Variants in PTK2 observed in about 807,000 individuals in gnomAD.
PTK2 encodes protein tyrosine kinase 2.
In PTK2, 45 loss-of-function variants were observed where a neutral mutation model predicts 150.1. The observed-to-expected ratio is 0.30, with a 90% CI of 0.24 to 0.38. The LOEUF is 0.38. Ranked by LOEUF, PTK2 falls within the 10% of genes least tolerant of loss-of-function variation. PTK2 has a pLI of 1.00. For missense variants in PTK2, 919 were observed against 1,307.3 expected (o/e 0.70, Z 4.58); for synonymous variants, 432 against 449.2 (o/e 0.96, Z 0.48).
chr8:140,716,142 G>A (rs1423872286), intron 23 of PTK2, among the ~76,000 whole-genome samples: 1 of 152,176 alleles, frequency 6.6e-6, no homozygotes, highest in Non-Finnish European at 1.5e-5. Flanking sequence ...TAAGGAATGT[G>A]AGATTTGGAG....
chr8:140,865,421 A>G (rs1474056660), intron 4 of PTK2, among the ~76,000 whole-genome samples: 1 of 152,002 alleles, frequency 6.6e-6, no homozygotes, highest in East Asian at 1.9e-4. Context: ...CTCCTTCACC[A>G]CCTATTGATT....
At chr8:140,803,973 C>T (rs753277350) in intron 10 of PTK2, among the ~76,000 whole-genome samples, 5 of 152,148 alleles carry the variant, frequency 3.3e-5, no homozygotes, top group African/African-American at 4.8e-5. Context: ...TGGCCTGACT[C>T]GTTTGCCAGC....
At chr8:140,796,345 G>A (rs1166249514) in intron 12 of PTK2, among the ~76,000 whole-genome samples, 1 of 152,086 alleles carries the variant, frequency 6.6e-6, no homozygotes, top group Non-Finnish European at 1.5e-5. Context: ...AGTCACACCA[G>A]GAAGACCAAA....
intron 5 of PTK2, among the ~76,000 whole-genome samples, chr8:140,860,545 G>T (rs750313898): frequency 6.6e-6 from 1 of 152,128 alleles, no homozygotes; most frequent in Non-Finnish European, 1.5e-5. Context: ...CATGATCTTG[G>T]CTCACTGCAA....
chr8:140,809,232 G>A (rs1462489062), intron 10 of PTK2, among the ~76,000 whole-genome samples: 1 of 152,082 alleles, frequency 6.6e-6, no homozygotes, highest in East Asian at 1.9e-4. Flanking sequence ...AAAACAGAAT[G>A]AAGAAAAATA....
At chr8:140,689,303 G>A (rs1250829333) in intron 26 of PTK2, among the ~76,000 whole-genome samples, 1 of 152,078 alleles carries the variant, frequency 6.6e-6, no homozygotes, top group Non-Finnish European at 1.5e-5. Flanking sequence ...AAAACACAAT[G>A]GACTTTGAGA....
intron 1 of PTK2, among the ~76,000 whole-genome samples, chr8:140,980,115 G>GCTT (rs1316600908): frequency 6.6e-6 from 1 of 152,172 alleles, no homozygotes; most frequent in Non-Finnish European, 1.5e-5. Flanking sequence ...ATGTCTATGA[G>GCTT]CAATAAGAGT....
intron 3 of PTK2, among the ~76,000 whole-genome samples, chr8:140,885,190 T>C (rs1472646288): frequency 1.3e-5 from 2 of 152,244 alleles, no homozygotes; most frequent in Admixed American, 6.5e-5. Context: ...AAGTGGGGTA[T>C]GGCTTTGAAT....
At chr8:140,910,806 G>C (rs1197202115) in intron 2 of PTK2, among the ~76,000 whole-genome samples, 2 of 152,010 alleles carry the variant, frequency 1.3e-5, no homozygotes, top group Non-Finnish European at 2.9e-5. Context: ...CCCATTCCCT[G>C]ACCAATTACA....
intron 1 of PTK2, among the ~76,000 whole-genome samples, chr8:141,000,650 G>C (rs2100199808): frequency 7.3e-6 from 1 of 137,636 alleles, no homozygotes; most frequent in Non-Finnish European, 1.6e-5. Flanking sequence ...GCCTCTCCGC[G>C]CGCCCGGCCT....
intron 4 of PTK2, among the ~76,000 whole-genome samples, chr8:140,874,559 G>A (rs1306850555): frequency 1.3e-5 from 2 of 152,222 alleles, no homozygotes; most frequent in East Asian, 3.9e-4. Flanking sequence ...AGAAACAGCT[G>A]AGTGTTTGGA....
chr8:140,764,084 T>C (rs980901930), intron 15 of PTK2, 150 bp downstream of exon 17: 13 of 757,180 alleles, frequency 1.7e-5, no homozygotes, highest in African/African-American at 1.0e-4. Context: ...GTAAGTAATA[T>C]AGAATGGTAA....
intron 20 of PTK2, among the ~76,000 whole-genome samples, chr8:140,740,636 G>A (rs576235629): frequency 3.9e-5 from 6 of 152,140 alleles, no homozygotes; most frequent in African/African-American, 1.2e-4. Context: ...TTAAAATGTT[G>A]TTCAAATGAT....
intron 5 of PTK2, among the ~76,000 whole-genome samples, chr8:140,858,557 G>T (rs1046545054): frequency 1.3e-5 from 2 of 151,828 alleles, no homozygotes; most frequent in African/African-American, 4.8e-5. Flanking sequence ...TACACAGAAA[G>T]AAAAAATGAG....
chr8:140,763,001 C>T (rs933214029), intron 15 of PTK2, among the ~76,000 whole-genome samples: 4 of 152,126 alleles, frequency 2.6e-5, no homozygotes, highest in African/African-American at 4.8e-5. Flanking sequence ...AGGTTGGTAA[C>T]GTACTCTTAG....
At chr8:140,901,312 G>C (rs377396395) in intron 2 of PTK2, among the ~76,000 whole-genome samples, 1 of 152,030 alleles carries the variant, frequency 6.6e-6, no homozygotes, top group Non-Finnish European at 1.5e-5. Flanking sequence ...TGAAACTATG[G>C]AATTACTGTA....
intron 4 of PTK2, among the ~76,000 whole-genome samples, chr8:140,874,209 T>C (rs2100144245): frequency 6.6e-6 from 1 of 152,184 alleles, no homozygotes; most frequent in Non-Finnish European, 1.5e-5. Flanking sequence ...TATGACCAAA[T>C]ACGTGTGCTG....
At chr8:140,686,934 T>C in intron 26 of PTK2, 1 of 496,746 alleles carries the variant, frequency 2.0e-6, no homozygotes, top group East Asian at 3.7e-5. Context: ...GCCCACCCAG[T>C]GCTGGAGAAC....
Position 140,717,480 on chromosome 8 carries a change from C to T in PTK2, c.2142+118G>A, listed in dbSNP as rs916391732. 50 of 762,410 alleles carry T rather than the reference C, an allele frequency of 6.6e-5. 2 individuals carry two copies. In the South Asian group the frequency reaches 6.6e-4, roughly 10 times the overall value. The allele number at this position is 762,410 out of a possible 1,614,324, so 47.2% of individuals were successfully genotyped here. Reference sequence around the variant, plus strand: ...AGGAAACAATTAGTTGGTGTTATAACTATTACTCTTAGAATAACCTGATAT... The same window carrying T: ...AGGAAACAATTAGTTGGTGTTATAATTATTACTCTTAGAATAACCTGATAT... On this transcript the variant is annotated intron_variant, in intron 23 of 31. Transcript: ENST00000522684.
Sources: allele counts gnomAD v4.1 joint callset (sites outside exome capture counted in the v4.1 genomes callset), GRCh38; gene constraint gnomAD v4.1.1; transcripts MANE v1.5; gene names NCBI Gene and HGNC (gene_info 2026-07-23, HGNC 2026-07-21).